The following PLXNB2 variants were observed in gnomAD, a reference collection of about 807,000 sequenced individuals.
PLXNB2 encodes the protein plexin B2.
A neutral mutation model predicts 202.6 loss-of-function variants in PLXNB2; 85 were observed. The ratio of observed to expected loss-of-function variants is 0.42; its 90% CI spans 0.35 to 0.50. The LOEUF (loss-of-function observed/expected upper bound fraction) is 0.50. Among genes scored for constraint, PLXNB2 ranks in the 20% least tolerant of loss-of-function variants. The pLI is 0.02. For synonymous variants in PLXNB2, 1,239 were observed against 1,137.6 expected (o/e 1.09, Z -1.79); for missense variants, 2,063 against 2,586.2 (o/e 0.80, Z 4.39).
In PLXNB2 at chr22:50,281,912, G is replaced by T. The variant is rs1454918774; in HGVS notation, c.3287C>A (p.Thr1096Asn). 4 of 1,613,144 alleles carry T rather than the reference G, an allele frequency of 2.5e-6. No homozygotes were observed. The highest frequency in any genetic ancestry group is 1.3e-5 in the African/African-American group (1 of 75,052). Reference protein sequence around the residue: ...AGAFEYVPDPTFENFTGGVKK... With the variant: ...AGAFEYVPDPNFENFTGGVKK... ...GACGCCACCTGTGAAGTTCTCAAAG[G>T]TGGGGTCAGGCACGTACTCGAAGGC... Residue 1096 changes from threonine to asparagine, a missense_variant, in exon 20 of 37, where the codon ACC becomes AAC. Thr to Asn is a moderately conservative substitution (Grantham distance 65). Around this residue, in one of 2 missense-constraint regions of PLXNB2, gnomAD observed 760 missense variants for 1,109.4 expected, o/e 0.69. Transcript: ENST00000359337.
rs1569175137 is a variant in PLXNB2 at position 50,290,289 on chromosome 22, A to T, written c.296T>A (p.Leu99Gln). ...EAEMTDNVNQ[L>Q]LLLDPPRKRL... Reference sequence around the variant, plus strand: ...CTTCCTGGGAGGGTCGAGCAGCAGCAGCTGGTTGACATTGTCAGTCATCTC... The same window carrying T: ...CTTCCTGGGAGGGTCGAGCAGCAGCTGCTGGTTGACATTGTCAGTCATCTC... Residue 99 changes from leucine to glutamine, a missense_variant, in exon 3 of 37, where the codon CTG (leucine) becomes CAG (glutamine). By Grantham distance (113) the Leu-to-Gln change is moderately radical (BLOSUM62 -2). This residue lies in a region of PLXNB2 where 1,303 missense variants were observed against 1,476.8 expected (regional missense o/e 0.88). Transcript: ENST00000359337. 1 of 1,611,940 alleles carries T rather than the reference A, an allele frequency of 6.2e-7. No homozygotes were observed. The highest frequency in any genetic ancestry group is 8.5e-7 in the Non-Finnish European group (1 of 1,180,010).
In PLXNB2 at chr22:50,284,544, A is replaced by G; in HGVS notation, c.2181+29T>C. Reference sequence around the variant, plus strand: ...CCCACCCGGGGCCCTGGGGTCCAGCAGCCGAGCCGGCCTGCCCTGGAGCCG... The same window carrying G: ...CCCACCCGGGGCCCTGGGGTCCAGCGGCCGAGCCGGCCTGCCCTGGAGCCG... On this transcript the variant is annotated intron_variant, in intron 12 of 36. Transcript: ENST00000359337. This position sits in a 1 kb window ranked among gnomAD's most constrained non-coding sequence, Gnocchi z 8.0. The G allele has an allele frequency of 6.6e-7, 1 of 1,514,130 alleles. No individual in the cohort carries two copies. 93.8% of individuals were successfully genotyped at this position (1,514,130 alleles called of 1,614,324 possible).
In PLXNB2 at chr22:50,278,215, C is replaced by T. The variant is rs1601677213; in HGVS notation, c.4789G>A (p.Glu1597Lys). The T allele has an allele frequency of 1.9e-6, 3 of 1,609,704 alleles. No homozygotes were observed. Among genetic ancestry groups the T allele is most frequent in the East Asian group, 2.2e-5 (1 of 44,876 alleles). ...RVWHLVRPTDEVDEGKSKRGS... is the reference protein window; with the variant it reads ...RVWHLVRPTDKVDEGKSKRGS... ...CTCTTGGACTTGCCCTCGTCCACCT[C>T]GTCGGTCGGCCGCACCAGGTGCCAC... Residue 1597 changes from glutamate to lysine, a missense_variant, in exon 31 of 37, where the codon GAG becomes AAG. By Grantham distance (56) the Glu-to-Lys change is moderately conservative. Coordinates refer to ENST00000359337, the MANE Select transcript of PLXNB2 (RefSeq NM_012401.4).
In PLXNB2 at chr22:50,297,270, G is replaced by A. The variant is rs975598549; in HGVS notation, c.-73-2492C>T. On this transcript the variant is annotated intron_variant, in intron 1 of 36. Coordinates refer to ENST00000359337, the MANE Select transcript of PLXNB2 (RefSeq NM_012401.4). This position sits in a 1 kb window ranked among gnomAD's most constrained non-coding sequence, Gnocchi z 5.3. The stretch of plus-strand genomic sequence containing the variant: ...CACACCCCCAGGCTCCAGCCTCCAC[G>A]GGCCCAGGCCCCAGGCGTGGGCGGG... Among the ~76,000 whole-genome samples the A allele has an allele frequency of 7.2e-5, 11 of 151,950 alleles. No homozygotes were observed. The highest frequency in any genetic ancestry group is 2.1e-4 in the South Asian group (1 of 4,812).
chr22:50,301,278 C>A, intron 1 of PLXNB2: 7 of 495,462 alleles, frequency 1.4e-5, no homozygotes, highest in Non-Finnish European at 1.8e-5. Context: ...AACCTGGGCA[C>A]AGCTGCAGCC....
intron 1 of PLXNB2, chr22:50,301,347 C>T (rs1158109804): frequency 1.0e-6 from 1 of 975,958 alleles, no homozygotes; most frequent in Non-Finnish European, 1.2e-6. Flanking sequence ...ATGAACCTAC[C>T]GATGTCTCCG....
At chr22:50,280,714 G>GGGGGGCCC in intron 24 of PLXNB2, 30 bp downstream of exon 24, 2 of 1,528,918 alleles carry the variant, frequency 1.3e-6, no homozygotes, top group Non-Finnish European at 1.8e-6. Context: ...CCACCTGTGT[G>GGGGGGCCC]CCCTCCCGCC....
At position 50,288,948 on chromosome 22, in the gene PLXNB2, C is replaced by G; in HGVS notation, c.1251+12G>C. ...GCCCTCCAGAGCCTCCCCGCCCCAG[C>G]CTGGGCCAAACCTTGAGGATCCGGC... On this transcript the variant is annotated intron_variant, in intron 4 of 36. Coordinates refer to ENST00000359337, the MANE Select transcript of PLXNB2 (RefSeq NM_012401.4). This position sits in a 1 kb window ranked among gnomAD's most constrained non-coding sequence, Gnocchi z 5.0. 1.2e-6 allele frequency: 2 copies of G among 1,606,874 alleles called. No homozygotes were observed. The highest frequency in any genetic ancestry group is 1.7e-6 in the Non-Finnish European group (2 of 1,175,000).
At position 50,279,906 on chromosome 22, in the gene PLXNB2, G is replaced by T. The variant is rs982442629; in HGVS notation, c.4242+99C>A. The T allele has an allele frequency of 1.6e-5, 23 of 1,398,366 alleles. No homozygotes were observed. In the African/African-American group the frequency reaches 2.9e-4, roughly 17 times the overall value. 86.6% of individuals were successfully genotyped at this position (1,398,366 alleles called of 1,614,324 possible). On this transcript the variant is annotated intron_variant, in intron 26 of 36. Coordinates refer to ENST00000359337, the MANE Select transcript of PLXNB2 (RefSeq NM_012401.4). ...GCAGGAAGCAAACCTGTCCAGGCAG[G>T]GCCCACCTCAAGGTGCCGTACAGAT... is the stretch of plus-strand genomic sequence containing the variant.
intron 33 of PLXNB2, among the ~76,000 whole-genome samples, chr22:50,277,278 G>A (rs1463328112): frequency 6.6e-6 from 1 of 150,388 alleles, no homozygotes; most frequent in East Asian, 1.9e-4. Flanking sequence ...TCCAGCCTGG[G>A]CGACAGAGAG....
chr22:50,290,539 C>T lies in PLXNB2; in HGVS notation c.46G>A (p.Ala16Thr), dbSNP rs372428698. 1.7e-5 allele frequency: 27 copies of T among 1,611,906 alleles called. No individual in the cohort carries two copies. The Middle Eastern group carries it at 5.2e-4, about 31-fold the overall frequency. The change falls in exon 3 of 37, where the codon GCA becomes ACA. Residue 16 changes from alanine (A) to threonine (T), a missense_variant. Physicochemically the swap from Ala to Thr is moderately conservative, Grantham distance 58 (BLOSUM62 0). Around this residue, in one of 2 missense-constraint regions of PLXNB2, gnomAD observed 1,303 missense variants for 1,476.8 expected, o/e 0.88. Transcript: ENST00000359337. Reference protein sequence around the residue: ...WALTLLGLLGAGASLRPRKLD... With the variant: ...WALTLLGLLGTGASLRPRKLD... The stretch of plus-strand genomic sequence containing the variant: ...TTGCGGGGCCTCAGGCTGGCACCTG[C>T]GCCCAGCAGGCCCAGCAGGGTCAGG...
At position 50,290,437 on chromosome 22, in the gene PLXNB2, C is replaced by A. The variant is rs1376885639; in HGVS notation, c.148G>T (p.Ala50Ser). ...TCCAGCTGGTAGAGGGCATTCACCG[C>A]CCCCAGGTACACCACGCCTGAGGCC... ...DEASGVVYLG[A>S]VNALYQLDAK... Residue 50 changes from alanine (A) to serine (S), a missense_variant, in exon 3 of 37, where the codon GCG becomes TCG. Transcript: ENST00000359337. The A allele has an allele frequency of 6.2e-7, 1 of 1,612,930 alleles. No homozygotes were observed. The highest frequency in any genetic ancestry group is 1.7e-5 in the Admixed American group (1 of 60,024).
At position 50,290,105 on chromosome 22, in the gene PLXNB2, C is replaced by T. The variant is rs1313788296; in HGVS notation, c.480G>A (p.Thr160=). 7 of 1,613,108 alleles carry T rather than the reference C, an allele frequency of 4.3e-6. No homozygotes were observed. The highest frequency in any genetic ancestry group is 1.6e-4 in the Middle Eastern group (1 of 6,062). The change falls in exon 3 of 37, where the codon ACG becomes ACA. Residue 160 remains threonine, a synonymous_variant. Transcript: ENST00000359337. Reference sequence around the variant, plus strand: ...ACAGCACGCGGTCACCACCAGGACCCGTGGAGCTCACCAGCCCCACTGTGG... The same window carrying T: ...ACAGCACGCGGTCACCACCAGGACCTGTGGAGCTCACCAGCCCCACTGTGG... ...GVATVGLVSS[T]GPGGDRVLFV... is the part of the protein sequence containing the mutation.
In PLXNB2 at chr22:50,297,763, C is replaced by T. The variant is rs548335224; in HGVS notation, c.-73-2985G>A. On this transcript the variant is annotated intron_variant, in intron 1 of 36. Coordinates refer to ENST00000359337, the MANE Select transcript of PLXNB2 (RefSeq NM_012401.4). This position sits in a 1 kb window ranked among gnomAD's most constrained non-coding sequence, Gnocchi z 5.3. ...GTGAGTTCACACCCCAGCTCTGTCA[C>T]GTTCTAGCTGGCTCATGTGGGCCAT... Among the ~76,000 whole-genome samples the T allele has an allele frequency of 3.9e-5, 6 of 152,336 alleles. 1 individual carries two copies. Among genetic ancestry groups the T allele is most frequent in the Non-Finnish European group, 5.9e-5 (4 of 68,034 alleles).
Position 50,276,618 on chromosome 22 carries a change from G to A in PLXNB2, c.5337+11C>T. ...GGAGGGCTGTGGGTGCGTCCCTGGT[G>A]GTCTCCTTACCCGGGAAATCTCTGC... On this transcript the variant is annotated intron_variant, in intron 35 of 36. Transcript: ENST00000359337. 6.2e-7 allele frequency: 1 copy of A among 1,607,662 alleles called. No individual in the cohort carries two copies. The highest frequency in any genetic ancestry group is 8.5e-7 in the Non-Finnish European group (1 of 1,174,286).
At position 50,289,064 on chromosome 22, in the gene PLXNB2, C is replaced by G. The variant is rs772355652; in HGVS notation, c.1147G>C (p.Ala383Pro). 6.2e-7 allele frequency: 1 copy of G among 1,605,872 alleles called. No individual in the cohort carries two copies. Among genetic ancestry groups the G allele is most frequent in the South Asian group, 1.1e-5 (1 of 90,946 alleles). Reference protein sequence around the residue: ...LGSRDGLRGTAVLQRGGLNLT... With the variant: ...LGSRDGLRGTPVLQRGGLNLT... ...TTCAGGCCTCCACGCTGCAGCACGG[C>G]TGTGCCTCTGAGCCCGTCGCGGCTG... Residue 383 changes from alanine (A) to proline (P), a missense_variant, in exon 4 of 37, where the codon GCC becomes CCC. By Grantham distance (27) the Ala-to-Pro change is conservative (BLOSUM62 -1). Transcript: ENST00000359337. This position sits in a 1 kb window ranked among gnomAD's most constrained non-coding sequence, Gnocchi z 8.0.
intron 1 of PLXNB2, among the ~76,000 whole-genome samples, chr22:50,296,147 G>C (rs1352984944): frequency 6.6e-6 from 1 of 151,324 alleles, no homozygotes; most frequent in Non-Finnish European, 1.5e-5. Context: ...GCAAGGAGGA[G>C]GCCACGGCAG....
At chr22:50,281,243 C>T in intron 22 of PLXNB2, 54 bp from the exon 23 acceptor site, 2 of 1,561,872 alleles carry the variant, frequency 1.3e-6, no homozygotes, top group South Asian at 1.2e-5. Flanking sequence ...GCTCAGCTGC[C>T]CGGATGAGGA....
chr22:50,279,925 T>G (rs1386839029), intron 26 of PLXNB2, 80 bp downstream of exon 26: 1 of 1,410,480 alleles, frequency 7.1e-7, no homozygotes, highest in Non-Finnish European at 9.9e-7. Flanking sequence ...CAAGGTGCCG[T>G]ACAGATAGGG....
Sources: allele counts gnomAD v4.1 joint callset (sites outside exome capture counted in the v4.1 genomes callset), GRCh38; gene constraint gnomAD v4.1.1; regional missense constraint gnomAD v4.1.1; non-coding constraint Gnocchi (gnomAD v3.1); transcripts MANE v1.5; gene names NCBI Gene and HGNC (gene_info 2026-07-23, HGNC 2026-07-21).